GALNT13: variants seen among roughly 807,000 people sequenced by gnomAD.
GALNT13 encodes the protein UDP-GalNAc:polypeptide N-acetylgalactosaminyltransferase 13.
In GALNT13, 28 loss-of-function variants were observed where a neutral mutation model predicts 64.2. That is an observed-to-expected ratio of 0.44 (90% CI 0.32 to 0.60). The LOEUF is 0.60. Among genes scored for constraint, GALNT13 ranks in the 20% least tolerant of loss-of-function variants. GALNT13 has a pLI of 0.05. For synonymous variants in GALNT13, 214 were observed against 224.6 expected, an observed-to-expected ratio of 0.95 and a Z score of 0.42; for missense variants, 577 against 669.8, an observed-to-expected ratio of 0.86 and a Z score of 1.53.
intron 2 of GALNT13, among the ~76,000 whole-genome samples, chr2:153,934,485 T>C (rs1690758311): frequency 6.6e-6 from 1 of 152,200 alleles, no homozygotes. Flanking sequence ...TTGGGCAGAA[T>C]GGACTTCTGT....
intron 4 of GALNT13, among the ~76,000 whole-genome samples, chr2:154,144,082 T>C (rs16836115): frequency 0.12 from 18,957 of 152,060 alleles, 1,305 homozygotes; most frequent in Middle Eastern, 0.21. Flanking sequence ...GTTTTACAAA[T>C]AGTCTCTGAA....
At chr2:154,426,993 A>T (rs1278922203) in intron 11 of GALNT13, among the ~76,000 whole-genome samples, 1 of 152,170 alleles carries the variant, frequency 6.6e-6, no homozygotes, top group Non-Finnish European at 1.5e-5. Flanking sequence ...AGATTTTTTT[A>T]AAAGAATATA....
chr2:153,988,101 T>C (rs894495156), intron 3 of GALNT13, among the ~76,000 whole-genome samples: 15 of 142,690 alleles, frequency 1.1e-4, no homozygotes, highest in South Asian at 2.2e-4. Flanking sequence ...CACACACACA[T>C]ATACAATTTA....
the GALNT13 span, among the ~76,000 whole-genome samples, chr2:153,357,710 T>C: frequency 3.3e-4 from 50 of 152,284 alleles, no homozygotes; most frequent in East Asian, 9.5e-3. Flanking sequence ...CCATCCTCAC[T>C]CAGGTTTATT....
At chr2:153,529,591 T>C in the GALNT13 span, among the ~76,000 whole-genome samples, 1,139 of 151,572 alleles carry the variant, frequency 7.5e-3, 11 homozygotes, top group African/African-American at 0.026. Flanking sequence ...ATATCAAAAC[T>C]AGACAAAGAC....
At chr2:153,218,820 T>G in the GALNT13 span, among the ~76,000 whole-genome samples, 1 of 152,240 alleles carries the variant, frequency 6.6e-6, no homozygotes, top group Admixed American at 6.5e-5. Context: ...CGGCAGCATC[T>G]GCCCTTGGTA....
the GALNT13 span, among the ~76,000 whole-genome samples, chr2:153,362,158 G>T: frequency 6.6e-6 from 1 of 152,124 alleles, no homozygotes. Context: ...ATCCTTTTCA[G>T]ACAAGCAAAT....
chr2:153,664,070 T>C, the GALNT13 span, among the ~76,000 whole-genome samples: 1 of 152,156 alleles, frequency 6.6e-6, no homozygotes, highest in Non-Finnish European at 1.5e-5. Flanking sequence ...TGGGCACGTA[T>C]TGTCTTGATA....
At chr2:154,282,641 ACAGAATG>A (rs150226604) in intron 8 of GALNT13, among the ~76,000 whole-genome samples, 6,318 of 152,276 alleles carry the variant, frequency 0.041, 183 homozygotes, top group Non-Finnish European at 0.058. Flanking sequence ...TATTTCAAGA[ACAGAATG>A]CAGCTTTCCA....
the GALNT13 span, among the ~76,000 whole-genome samples, chr2:153,112,526 T>C: frequency 6.6e-6 from 1 of 151,566 alleles, no homozygotes; most frequent in Non-Finnish European, 1.5e-5. Flanking sequence ...CATATTCAAG[T>C]GGGGAAGAGG....
chr2:154,126,437 C>T (rs769129935), intron 3 of GALNT13, among the ~76,000 whole-genome samples: 8 of 151,808 alleles, frequency 5.3e-5, no homozygotes, highest in Admixed American at 2.0e-4. Flanking sequence ...GGATGGAGAC[C>T]ATCCTGGCTA....
chr2:154,154,340 A>G (rs1168636425), intron 4 of GALNT13, among the ~76,000 whole-genome samples: 1 of 152,228 alleles, frequency 6.6e-6, no homozygotes, highest in Non-Finnish European at 1.5e-5. Flanking sequence ...GTGAGAGGAG[A>G]AAACAACTCA....
chr2:153,636,575 A>T, the GALNT13 span, among the ~76,000 whole-genome samples: 1 of 152,216 alleles, frequency 6.6e-6, no homozygotes, highest in African/African-American at 2.4e-5. Context: ...ATAAAATAGG[A>T]TATTTCTGGT....
chr2:153,907,892 A>G (rs1283376860), intron 2 of GALNT13, among the ~76,000 whole-genome samples: 1 of 152,100 alleles, frequency 6.6e-6, no homozygotes, highest in Non-Finnish European at 1.5e-5. Context: ...TCTTTATGGT[A>G]GGATAATTTA....
At chr2:153,303,480 A>G in the GALNT13 span, among the ~76,000 whole-genome samples, 3 of 152,168 alleles carry the variant, frequency 2.0e-5, no homozygotes, top group Non-Finnish European at 2.9e-5. Context: ...TTTTCTATGT[A>G]TAAGAGCATA....
the GALNT13 span, among the ~76,000 whole-genome samples, chr2:153,211,326 A>G: frequency 6.6e-6 from 1 of 152,022 alleles, no homozygotes; most frequent in Non-Finnish European, 1.5e-5. Context: ...GTATTTTAGT[A>G]GAGGTAGAGT....
the GALNT13 span, among the ~76,000 whole-genome samples, chr2:153,848,985 CA>C: frequency 3.3e-5 from 5 of 150,836 alleles, no homozygotes; most frequent in Non-Finnish European, 5.9e-5. Context: ...AAGGACTTTA[CA>C]AAAAAAAGAG....
chr2:153,576,529 A>G, the GALNT13 span, among the ~76,000 whole-genome samples: 2 of 152,052 alleles, frequency 1.3e-5, no homozygotes, highest in Non-Finnish European at 2.9e-5. Flanking sequence ...TTTTTCCTCT[A>G]TTAGGACAGC....
chr2:153,463,748 T>C, the GALNT13 span, among the ~76,000 whole-genome samples: 1 of 151,972 alleles, frequency 6.6e-6, no homozygotes, highest in Non-Finnish European at 1.5e-5. Flanking sequence ...TCTGGATCCA[T>C]AGAGGTATGA....
Sources: allele counts gnomAD v4.1 joint callset (sites outside exome capture counted in the v4.1 genomes callset), GRCh38; gene constraint gnomAD v4.1.1; transcripts MANE v1.5; gene names NCBI Gene and HGNC (gene_info 2026-07-23, HGNC 2026-07-21).